DMD: variants seen among roughly 807,000 people sequenced by gnomAD.
DMD encodes the protein mutant dystrophin.
A neutral mutation model predicts 330.1 loss-of-function variants in DMD; 63 were observed. The ratio of observed to expected loss-of-function variants is 0.19; its 90% CI spans 0.16 to 0.24. The LOEUF is 0.24. Among genes scored for constraint, DMD ranks in the 10% least tolerant of loss-of-function variants. The pLI, the probability that DMD is intolerant of heterozygous loss-of-function variation, is 1.00. For synonymous variants in DMD, 1,223 were observed against 959.8 expected, an observed-to-expected ratio of 1.27 and a Z score of -5.07; for missense variants, 3,344 against 2,684.1, an observed-to-expected ratio of 1.25 and a Z score of -5.43.
At chrX:32,551,904 G>C (rs1187551140) in intron 16 of DMD, among the ~76,000 whole-genome samples, 1 of 111,547 alleles carries the variant, frequency 9.0e-6, no homozygotes. Context: ...AAGATACCTA[G>C]GAATACAGCT....
chrX:31,581,038 T>C (rs770652191), intron 55 of DMD, among the ~76,000 whole-genome samples: 1 of 112,296 alleles, frequency 8.9e-6, no homozygotes, highest in African/African-American at 3.2e-5. Flanking sequence ...CATTGCAGTA[T>C]ACTAAGCTGC....
At chrX:32,441,105 T>C in intron 28 of DMD, 75 bp downstream of exon 28, 2 of 1,076,676 alleles carry the variant, frequency 1.9e-6, no homozygotes, top group Non-Finnish European at 2.6e-6. Flanking sequence ...TCTTTGGATT[T>C]GTCTTCTATT....
chrX:31,337,246 G>A (rs903064717), intron 61 of DMD, among the ~76,000 whole-genome samples: 15 of 110,710 alleles, frequency 1.4e-4, no homozygotes, highest in Admixed American at 3.8e-4. Context: ...ATGCCTCTCT[G>A]TATCCTGAAA....
At chrX:33,128,517 G>A in intron 1 of DMD, 1 of 780,728 alleles carries the variant, frequency 1.3e-6, no homozygotes, top group Non-Finnish European at 1.6e-6. Flanking sequence ...AGTAACCTCA[G>A]TTCCTCTAGA....
intron 52 of DMD, among the ~76,000 whole-genome samples, chrX:31,693,732 A>T (rs1376592977): frequency 8.9e-6 from 1 of 111,875 alleles, no homozygotes; most frequent in East Asian, 2.8e-4. Context: ...AAAGTGAAAG[A>T]TCTGCGTGTT....
chrX:31,774,857 A>G, intron 50 of DMD, among the ~76,000 whole-genome samples: 1 of 112,207 alleles, frequency 8.9e-6, no homozygotes, highest in Non-Finnish European at 1.9e-5. Flanking sequence ...TTCTATTTAG[A>G]CATGAAATAC....
intron 50 of DMD, among the ~76,000 whole-genome samples, chrX:31,794,931 C>T (rs769304742): frequency 1.4e-3 from 151 of 111,812 alleles, no homozygotes; most frequent in African/African-American, 4.8e-3. Flanking sequence ...AAAAATACTT[C>T]TCGTTGTCAT....
At chrX:31,519,281 A>AT (rs937740028) in intron 55 of DMD, among the ~76,000 whole-genome samples, 1 of 112,156 alleles carries the variant, frequency 8.9e-6, no homozygotes, top group African/African-American at 3.2e-5. Context: ...TCACTAAGCT[A>AT]TTTTTTGTCC....
At chrX:32,600,155 G>A (rs994822553) in intron 12 of DMD, among the ~76,000 whole-genome samples, 1 of 111,882 alleles carries the variant, frequency 8.9e-6, no homozygotes, top group Non-Finnish European at 1.9e-5. Context: ...TCTGGCTCTT[G>A]TCCATGTCAA....
At chrX:31,677,644 T>C (rs1463394450) in intron 53 of DMD, among the ~76,000 whole-genome samples, 2 of 112,175 alleles carry the variant, frequency 1.8e-5, no homozygotes, top group African/African-American at 6.5e-5. Context: ...TGCTCATCCA[T>C]TGAAAAAACC....
chrX:32,529,015 A>G (rs1401726089), intron 17 of DMD, among the ~76,000 whole-genome samples: 1 of 103,831 alleles, frequency 9.6e-6, no homozygotes, highest in African/African-American at 3.6e-5. Context: ...TCCGCCTCCC[A>G]GGTTCACACC....
At chrX:32,469,407 A>G (rs2040385212) in intron 22 of DMD, among the ~76,000 whole-genome samples, 1 of 110,651 alleles carries the variant, frequency 9.0e-6, no homozygotes, top group African/African-American at 3.3e-5. Flanking sequence ...TACTTTATAT[A>G]AATTTTCAAT....
chrX:33,109,211 T>C (rs967131778), intron 1 of DMD, among the ~76,000 whole-genome samples: 2 of 111,326 alleles, frequency 1.8e-5, no homozygotes, highest in Non-Finnish European at 3.8e-5. Flanking sequence ...GGTTAACTAG[T>C]AGTGTCCATT....
intron 7 of DMD, among the ~76,000 whole-genome samples, chrX:32,761,116 C>G (rs1006896131): frequency 8.9e-6 from 1 of 111,954 alleles, no homozygotes; most frequent in Non-Finnish European, 1.9e-5. Flanking sequence ...AAGATGTTTA[C>G]AAGTGTCATT....
intron 9 of DMD, among the ~76,000 whole-genome samples, chrX:32,678,192 C>G (rs1351233289): frequency 8.9e-6 from 1 of 111,906 alleles, no homozygotes; most frequent in African/African-American, 3.2e-5. Context: ...ACAACGTTGT[C>G]TCTAATAATA....
chrX:31,424,324 A>C (rs966306527), intron 60 of DMD, among the ~76,000 whole-genome samples: 16 of 111,913 alleles, frequency 1.4e-4, no homozygotes, highest in African/African-American at 5.2e-4. Flanking sequence ...GGGAAGGGAA[A>C]TGTCTCTATG....
intron 38 of DMD, 145 bp downstream of exon 38, chrX:32,348,261 A>G: frequency 1.6e-6 from 1 of 610,634 alleles, no homozygotes; most frequent in Non-Finnish European, 2.6e-6. Context: ...TAAAAGGCCA[A>G]GAATATTCTG....
At chrX:32,456,077 T>G (rs918899173) in intron 25 of DMD, among the ~76,000 whole-genome samples, 2 of 83,058 alleles carry the variant, frequency 2.4e-5, no homozygotes, top group African/African-American at 8.4e-5. Flanking sequence ...ATTATACATT[T>G]TAAGTAACAG....
At chrX:32,676,708 T>C (rs557915633) in intron 9 of DMD, among the ~76,000 whole-genome samples, 2 of 111,634 alleles carry the variant, frequency 1.8e-5, no homozygotes, top group Non-Finnish European at 3.8e-5. Flanking sequence ...ACATTCTCCA[T>C]CCTTCAGTAA....
Sources: allele counts gnomAD v4.1 joint callset (sites outside exome capture counted in the v4.1 genomes callset), GRCh38; gene constraint gnomAD v4.1.1; transcripts MANE v1.5; gene names NCBI Gene and HGNC (gene_info 2026-07-23, HGNC 2026-07-21).